Variants in TAFA5 observed in about 807,000 individuals in gnomAD.
TAFA5 encodes the protein TAFA chemokine like family member 5.
Under a neutral mutation model 15.3 loss-of-function variants are expected in TAFA5, and 6 were observed. That is an observed-to-expected ratio of 0.39 (90% CI 0.21 to 0.77). The LOEUF is 0.77. TAFA5 is among the 30% of genes least tolerant of loss of function. The pLI is 0.41. For missense variants in TAFA5, 161 were observed against 193.1 expected (o/e 0.83, Z 0.98); for synonymous variants, 103 against 80.7 (o/e 1.28, Z -1.48).
chr22:48,656,676 T>C (rs1927254824), intron 2 of TAFA5, among the ~76,000 whole-genome samples: 1 of 142,540 alleles, frequency 7.0e-6, no homozygotes, highest in South Asian at 2.2e-4. Context: ...TATAGAAAAA[T>C]AATGAAAATT....
intron 1 of TAFA5, among the ~76,000 whole-genome samples, chr22:48,591,724 C>G (rs536524311): frequency 6.6e-6 from 1 of 152,146 alleles, no homozygotes; most frequent in East Asian, 1.9e-4. Context: ...GGGGCCATGG[C>G]CAGCTGAGCC....
At chr22:48,749,352 G>A (rs886724951) in intron 3 of TAFA5, among the ~76,000 whole-genome samples, 3 of 152,204 alleles carry the variant, frequency 2.0e-5, no homozygotes, top group Admixed American at 6.5e-5. Flanking sequence ...GAGGCCCGGC[G>A]TGGATGGCCA....
intron 2 of TAFA5, among the ~76,000 whole-genome samples, chr22:48,691,597 G>A (rs926534279): frequency 2.0e-5 from 3 of 152,198 alleles, no homozygotes; most frequent in Non-Finnish European, 1.5e-5. Flanking sequence ...AACGGAGGAC[G>A]CGCCAGGAGC....
chr22:48,541,276 A>C (rs868338396), intron 1 of TAFA5, among the ~76,000 whole-genome samples: 9 of 151,808 alleles, frequency 5.9e-5, no homozygotes, highest in African/African-American at 2.2e-4. Context: ...ACCCCCTGGG[A>C]CCTTTGTGCA....
chr22:48,654,679 C>G (rs995003179), intron 2 of TAFA5, among the ~76,000 whole-genome samples: 1 of 152,142 alleles, frequency 6.6e-6, no homozygotes, highest in South Asian at 2.1e-4. Context: ...AATTTTTTTT[C>G]GAATTCTGTC....
intron 1 of TAFA5, among the ~76,000 whole-genome samples, chr22:48,536,465 G>A (rs1157004407): frequency 6.6e-6 from 1 of 152,220 alleles, no homozygotes; most frequent in African/African-American, 2.4e-5. Context: ...TAACGAGCGC[G>A]CACCGCCCGT....
chr22:48,533,145 G>T (rs1210302643), intron 1 of TAFA5, among the ~76,000 whole-genome samples: 1 of 152,154 alleles, frequency 6.6e-6, no homozygotes, highest in Non-Finnish European at 1.5e-5. Flanking sequence ...GCCTGCTGCC[G>T]CCCAGCCTGA....
intron 3 of TAFA5, among the ~76,000 whole-genome samples, chr22:48,728,910 T>G (rs1360043559): frequency 1.3e-5 from 2 of 152,194 alleles, no homozygotes; most frequent in Non-Finnish European, 2.9e-5. Flanking sequence ...AGGAAGCAGA[T>G]TACTAGGCTG....
chr22:48,600,236 G>T (rs1167639740), intron 1 of TAFA5, among the ~76,000 whole-genome samples: 1 of 152,234 alleles, frequency 6.6e-6, no homozygotes, highest in Non-Finnish European at 1.5e-5. Context: ...AGGATGTGGT[G>T]AAGGGAAATG....
chr22:48,499,453 G>A (rs1272690903), intron 1 of TAFA5, among the ~76,000 whole-genome samples: 1 of 152,122 alleles, frequency 6.6e-6, no homozygotes, highest in Non-Finnish European at 1.5e-5. Context: ...GGGACCCTTG[G>A]TTGCCTAGAG....
chr22:48,667,444 A>G (rs1927655251), intron 2 of TAFA5, among the ~76,000 whole-genome samples: 1 of 148,154 alleles, frequency 6.7e-6, no homozygotes, highest in South Asian at 2.1e-4. Flanking sequence ...TGTGATATCA[A>G]TATATCAATA....
chr22:48,576,376 G>A, intron 1 of TAFA5: 3 of 1,221,826 alleles, frequency 2.5e-6, no homozygotes, highest in East Asian at 3.4e-5. Flanking sequence ...GCGGATGGAG[G>A]GCGCGAGCGG....
intron 1 of TAFA5, among the ~76,000 whole-genome samples, chr22:48,504,058 A>G (rs1601837599): frequency 6.6e-6 from 1 of 152,002 alleles, no homozygotes; most frequent in Non-Finnish European, 1.5e-5. Context: ...CCAGTTGCTC[A>G]CTCTTCATTT....
At chr22:48,665,539 G>A (rs1397767729) in intron 2 of TAFA5, among the ~76,000 whole-genome samples, 6 of 105,760 alleles carry the variant, frequency 5.7e-5, no homozygotes, top group East Asian at 3.5e-4. Context: ...TCTACCAGCC[G>A]TTTCTGATTA....
At chr22:48,589,954 C>T (rs1179144347) in intron 1 of TAFA5, among the ~76,000 whole-genome samples, 2 of 151,784 alleles carry the variant, frequency 1.3e-5, no homozygotes, top group African/African-American at 4.8e-5. Flanking sequence ...GCAGGCCAAG[C>T]CGAAGATCTT....
chr22:48,604,759 T>C (rs1052936167), intron 1 of TAFA5, among the ~76,000 whole-genome samples: 1 of 152,108 alleles, frequency 6.6e-6, no homozygotes, highest in African/African-American at 2.4e-5. Flanking sequence ...GAACAGGAAT[T>C]TGGGGAGGAT....
At chr22:48,521,600 T>C (rs1417104136) in intron 1 of TAFA5, among the ~76,000 whole-genome samples, 1 of 152,088 alleles carries the variant, frequency 6.6e-6, no homozygotes, top group African/African-American at 2.4e-5. Context: ...GTGCCTGCGA[T>C]GAATGGTGTT....
At chr22:48,709,968 A>G (rs1280360584) in intron 3 of TAFA5, among the ~76,000 whole-genome samples, 3 of 152,272 alleles carry the variant, frequency 2.0e-5, no homozygotes, top group Non-Finnish European at 4.4e-5. Flanking sequence ...TGAAATTCAC[A>G]TAACATCAAG....
chr22:48,515,879 C>T (rs1219122516), intron 1 of TAFA5, among the ~76,000 whole-genome samples: 1 of 152,066 alleles, frequency 6.6e-6, no homozygotes, highest in South Asian at 2.1e-4. Flanking sequence ...ACTGCTGGCT[C>T]CCCCAGGGGT....
Sources: allele counts gnomAD v4.1 joint callset (sites outside exome capture counted in the v4.1 genomes callset), GRCh38; gene constraint gnomAD v4.1.1; transcripts MANE v1.5; gene names NCBI Gene and HGNC (gene_info 2026-07-23, HGNC 2026-07-21).